AKAIN1: variants seen among roughly 807,000 people sequenced by gnomAD.
AKAIN1 encodes the protein A-kinase anchor inhibitor 1.
AKAIN1 carries 3 observed loss-of-function variants against 3.7 expected under a neutral mutation model. The observed-to-expected ratio is 0.82, with a 90% CI of 0.37 to 2.12. The LOEUF (loss-of-function observed/expected upper bound fraction) is 2.12. AKAIN1 is among the 30% of genes most tolerant of loss of function. The pLI is 0.06. For synonymous variants in AKAIN1, 31 were observed against 30.8 expected, an observed-to-expected ratio of 1.01 and a Z score of -0.02; for missense variants, 82 against 82.7, an observed-to-expected ratio of 0.99 and a Z score of 0.03.
At position 5,197,217 on chromosome 18, in the gene AKAIN1, G is replaced by A. The variant is rs2071354236; in HGVS notation, c.-164C>T. 1 of 1,393,726 alleles carries A rather than the reference G, an allele frequency of 7.2e-7. No individual in the cohort carries two copies. The highest frequency in any genetic ancestry group is 9.2e-7 in the Non-Finnish European group (1 of 1,084,886). The allele number at this position is 1,393,726 out of a possible 1,614,324, so 86.3% of individuals were successfully genotyped here. A position where few individuals can be genotyped will look rare whatever the true frequency, so the allele number is the denominator to read the frequency against. On this transcript the variant is annotated 5_prime_UTR_variant, in exon 1 of 2. Transcript: ENST00000434239. This position sits in a 1 kb window ranked among gnomAD's most constrained non-coding sequence, Gnocchi z 6.9. The stretch of plus-strand genomic sequence containing the variant: ...ACAGCTCCCGCCGCTAGATCCTGGG[G>A]CCGCAGCTCCAGCCGCCGCCGCGCG...
rs2071038982 is a variant in AKAIN1, at chr18:5,144,730, A to G, written c.*832T>C. 6.6e-6 allele frequency among the ~76,000 whole-genome samples: 1 copy of G among 152,194 alleles called. No homozygotes were observed. The highest frequency in any genetic ancestry group is 2.4e-5 in the African/African-American group (1 of 41,450). On this transcript the variant is annotated 3_prime_UTR_variant, in exon 2 of 2. Transcript: ENST00000434239. ...ATGTTGCACCCCATAATCAGCCCCA[A>G]GTGTAAGTCTCTTAATGATAGGCAG...
intron 1 of AKAIN1, among the ~76,000 whole-genome samples, chr18:5,149,534 G>A (rs940229946): frequency 1.3e-5 from 2 of 152,202 alleles, no homozygotes; most frequent in Non-Finnish European, 2.9e-5. Flanking sequence ...CCTCTGCCAT[G>A]AGCGAGCCTC....
chr18:5,152,847 C>T (rs573305751), intron 1 of AKAIN1, among the ~76,000 whole-genome samples: 1 of 150,372 alleles, frequency 6.7e-6, no homozygotes, highest in South Asian at 2.1e-4. Context: ...GGGAGGGAGA[C>T]GGGCGATGGC....
rs965904412 is a variant in AKAIN1, at chr18:5,197,148, A to C, written c.-95T>G. 7.2e-6 allele frequency: 11 copies of C among 1,531,176 alleles called. No homozygotes were observed. The highest frequency in any genetic ancestry group is 9.6e-6 in the Non-Finnish European group (11 of 1,141,658). 94.8% of individuals were successfully genotyped at this position (1,531,176 alleles called of 1,614,324 possible). A position where few individuals can be genotyped will look rare whatever the true frequency, so the allele number is the denominator to read the frequency against. On this transcript the variant is annotated 5_prime_UTR_variant, in exon 1 of 2. Coordinates refer to ENST00000434239, the MANE Select transcript of AKAIN1 (RefSeq NM_001145194.2). The surrounding 1 kb of genome is among the most constrained non-coding windows in gnomAD (Gnocchi z 6.9). ...CGGACTTGGCGGGGTCCGGTGCAGGAGGGCGCGCTGGGCGGGCGGCGGGCG... is the reference window on the plus strand; with the variant it reads ...CGGACTTGGCGGGGTCCGGTGCAGGCGGGCGCGCTGGGCGGGCGGCGGGCG...
intron 1 of AKAIN1, among the ~76,000 whole-genome samples, chr18:5,155,382 G>A (rs1233493309): frequency 6.6e-6 from 1 of 152,130 alleles, no homozygotes; most frequent in East Asian, 1.9e-4. Flanking sequence ...TTGCGCATGC[G>A]TAGGTTTCTC....
rs561923180 is a variant in AKAIN1 at position 5,197,134 on chromosome 18, G to C, written c.-81C>G. On this transcript the variant is annotated 5_prime_UTR_variant, in exon 1 of 2. Transcript: ENST00000434239. The surrounding 1 kb of genome is among the most constrained non-coding windows in gnomAD (Gnocchi z 6.9). ...GATGGGAAGAAGGCCGGACTTGGCGGGGTCCGGTGCAGGAGGGCGCGCTGG... is the reference window on the plus strand; with the variant it reads ...GATGGGAAGAAGGCCGGACTTGGCGCGGTCCGGTGCAGGAGGGCGCGCTGG... The C allele has an allele frequency of 1.8e-5, 28 of 1,544,944 alleles. No homozygotes were observed. The highest frequency in any genetic ancestry group is 4.0e-4 in the Middle Eastern group (2 of 4,962).
chr18:5,197,516 ACT>A (rs2143053292), upstream of AKAIN1: 20 of 1,211,884 alleles, frequency 1.7e-5, no homozygotes, highest in Admixed American at 8.6e-5. This position sits in a 1 kb window ranked among gnomAD's most constrained non-coding sequence, Gnocchi z 6.9. Flanking sequence ...AAAAAAAAAA[ACT>A]CTAAGAGCTT....
In AKAIN1 at chr18:5,143,404, A is replaced by G. The variant is rs1013402387; in HGVS notation, c.*2158T>C. ...CTGTCGATTTTCCATCTCAAAAATT[A>G]TGGCAGACACTCTACCTTCCAGACC... On this transcript the variant is annotated 3_prime_UTR_variant, in exon 2 of 2. Coordinates refer to ENST00000434239, the MANE Select transcript of AKAIN1 (RefSeq NM_001145194.2). 3.3e-5 allele frequency among the ~76,000 whole-genome samples: 5 copies of G among 152,190 alleles called. No homozygotes were observed. Among genetic ancestry groups the G allele is most frequent in the African/African-American group, 4.8e-5 (2 of 41,446 alleles).
chr18:5,158,062 C>T (rs1404074795), intron 1 of AKAIN1, among the ~76,000 whole-genome samples: 1 of 152,114 alleles, frequency 6.6e-6, no homozygotes, highest in African/African-American at 2.4e-5. Context: ...ACAATAATGG[C>T]ACGCCCTCAC....
At chr18:5,197,503 T>TTAAAAAA, upstream of AKAIN1, 1 of 285,080 alleles carries the variant, frequency 3.5e-6, no homozygotes, top group Non-Finnish European at 4.3e-6. This position sits in a 1 kb window ranked among gnomAD's most constrained non-coding sequence, Gnocchi z 6.9. Flanking sequence ...GATAGATTTG[T>TTAAAAAA]CAAAAAAAAA....
chr18:5,145,830 G>T, intron 1 of AKAIN1, 75 bp from the exon 2 acceptor site: 1 of 1,286,272 alleles, frequency 7.8e-7, no homozygotes, highest in Non-Finnish European at 1.1e-6. Flanking sequence ...AGGTAGAGGA[G>T]AAAGATGGGA....
At chr18:5,148,744 C>G (rs453685) in intron 1 of AKAIN1, among the ~76,000 whole-genome samples, 33,445 of 151,934 alleles carry the variant, frequency 0.22, 4,196 homozygotes, top group East Asian at 0.48. Context: ...GTAGTCCCAG[C>G]TGCTTGGGAG....
At chr18:5,191,541 A>G (rs1026614715) in intron 1 of AKAIN1, among the ~76,000 whole-genome samples, 6 of 152,182 alleles carry the variant, frequency 3.9e-5, no homozygotes, top group Admixed American at 1.3e-4. Context: ...GGGGCTCAAC[A>G]TAGTTAAGAA....
chr18:5,158,072 C>T (rs574093376), intron 1 of AKAIN1, among the ~76,000 whole-genome samples: 2 of 152,284 alleles, frequency 1.3e-5, no homozygotes, highest in South Asian at 4.1e-4. Context: ...CACGCCCTCA[C>T]AAGGTTGTTG....
chr18:5,193,281 G>A lies in AKAIN1; in HGVS notation c.16+3757C>T, dbSNP rs117485087. 3.2e-3 allele frequency among the ~76,000 whole-genome samples: 488 copies of A among 152,130 alleles called. 2 individuals are homozygous for A. Among genetic ancestry groups the A allele is most frequent in the Middle Eastern group, 0.014 (4 of 294 alleles). ...CATGAAATCCTTGTTATCATACCTT[G>A]CCTAATTTTTATGCAAGAAAAGAAA... On this transcript the variant is annotated intron_variant, in intron 1 of 1. Coordinates refer to ENST00000434239, the MANE Select transcript of AKAIN1 (RefSeq NM_001145194.2).
At chr18:5,178,011 C>T (rs1385499940) in intron 1 of AKAIN1, among the ~76,000 whole-genome samples, 2 of 152,012 alleles carry the variant, frequency 1.3e-5, no homozygotes, top group East Asian at 1.9e-4. Context: ...CTAAGAGTCA[C>T]GCCTGCAAGC....
intron 1 of AKAIN1, among the ~76,000 whole-genome samples, chr18:5,158,897 C>T (rs1035951940): frequency 6.6e-6 from 1 of 152,158 alleles, no homozygotes; most frequent in African/African-American, 2.4e-5. Flanking sequence ...CTACAAAATA[C>T]AGGTGAAAAC....
chr18:5,177,122 T>A (rs2071231132), intron 1 of AKAIN1, among the ~76,000 whole-genome samples: 1 of 152,166 alleles, frequency 6.6e-6, no homozygotes, highest in African/African-American at 2.4e-5. Flanking sequence ...CATAGAATTC[T>A]CTTTCTTACA....
chr18:5,196,624 A>G (rs962278015), intron 1 of AKAIN1, among the ~76,000 whole-genome samples: 1 of 152,154 alleles, frequency 6.6e-6, no homozygotes, highest in African/African-American at 2.4e-5. Context: ...CACTTTGCCA[A>G]TTCTGCGGAG....
Sources: allele counts gnomAD v4.1 joint callset (sites outside exome capture counted in the v4.1 genomes callset), GRCh38; gene constraint gnomAD v4.1.1; non-coding constraint Gnocchi (gnomAD v3.1); transcripts MANE v1.5; gene names NCBI Gene and HGNC (gene_info 2026-07-23, HGNC 2026-07-21).